Variants in ERGIC1 observed in about 807,000 individuals in gnomAD.
The protein encoded by ERGIC1 is endoplasmic reticulum-golgi intermediate compartment 1, also known as endoplasmic reticulum-Golgi intermediate compartment protein 1.
Under a neutral mutation model 38.3 loss-of-function variants are expected in ERGIC1, and 19 were observed. That is an observed-to-expected ratio of 0.50 (90% CI 0.35 to 0.73). The LOEUF (loss-of-function observed/expected upper bound fraction) is 0.73. Among genes scored for constraint, ERGIC1 ranks in the 30% least tolerant of loss-of-function variants. The pLI is 0.01. For synonymous variants in ERGIC1, 124 were observed against 157.6 expected, an observed-to-expected ratio of 0.79 and a Z score of 1.60; for missense variants, 294 against 389.2, an observed-to-expected ratio of 0.76 and a Z score of 2.06.
intron 1 of ERGIC1, among the ~76,000 whole-genome samples, chr5:172,844,533 G>A (rs114502045): frequency 0.011 from 1,603 of 152,360 alleles, 16 homozygotes; most frequent in African/African-American, 0.036. Flanking sequence ...CAAGCTCGGG[G>A]TGGGCAGGAC....
At chr5:172,929,379 A>G (rs1763727566) in intron 7 of ERGIC1, among the ~76,000 whole-genome samples, 2 of 152,080 alleles carry the variant, frequency 1.3e-5, no homozygotes, top group Admixed American at 1.3e-4. Context: ...TTTTGCGGGT[A>G]GGGGAGGAGG....
At chr5:172,920,710 A>G (rs1293794371) in intron 5 of ERGIC1, 2 of 480,188 alleles carry the variant, frequency 4.2e-6, no homozygotes, top group Admixed American at 6.6e-5. Flanking sequence ...CTGAGGGGAC[A>G]GCCTTCTTGA....
chr5:172,951,627 A>C lies in ERGIC1; in HGVS notation c.*811A>C, dbSNP rs577205775. 1 of 152,238 alleles carries C rather than the reference A, an allele frequency of 6.6e-6. No individual in the cohort carries two copies. Among genetic ancestry groups the C allele is most frequent in the East Asian group, 1.9e-4 (1 of 5,184 alleles). The allele number at this position is 152,238 out of a possible 1,614,324, so 9.4% of individuals were successfully genotyped here. ...GTGTGGCAACAGCATTCTGGTTCCC[A>C]CTGCCAAGATCTCCCACCACTCTGC... is the stretch of plus-strand genomic sequence containing the variant. On this transcript the variant is annotated 3_prime_UTR_variant, in exon 10 of 10. Coordinates refer to ENST00000393784, the MANE Select transcript of ERGIC1 (RefSeq NM_001031711.3).
Position 172,834,569 on chromosome 5 carries a change from AC to A in ERGIC1, c.20+140del. On this transcript the variant is annotated intron_variant, in intron 1 of 9. Coordinates refer to ENST00000393784, the MANE Select transcript of ERGIC1 (RefSeq NM_001031711.3). This position sits in a 1 kb window ranked among gnomAD's most constrained non-coding sequence, Gnocchi z 4.1. ...TGCATGCCTCCGCAGGCCCCTAGGG[AC>A]CCCAGGCGAGCCCCCCCCCTGCCGC... 1.3e-6 allele frequency: 1 copy of A among 778,946 alleles called. No homozygotes were observed. The highest frequency in any genetic ancestry group is 1.6e-6 in the Non-Finnish European group (1 of 616,624). 48.3% of individuals were successfully genotyped at this position (778,946 alleles called of 1,614,324 possible).
chr5:172,875,515 C>A (rs565027573), intron 1 of ERGIC1, among the ~76,000 whole-genome samples: 4 of 152,224 alleles, frequency 2.6e-5, no homozygotes, highest in South Asian at 4.2e-4. Context: ...ATATGGCCAC[C>A]CCATGCCACA....
chr5:172,842,459 T>G (rs1034566833), intron 1 of ERGIC1, among the ~76,000 whole-genome samples: 3 of 152,246 alleles, frequency 2.0e-5, no homozygotes, highest in Non-Finnish European at 4.4e-5. Context: ...TTGGCAGTTA[T>G]GAATAATGCT....
chr5:172,878,770 G>A (rs528619345), intron 1 of ERGIC1, among the ~76,000 whole-genome samples: 17 of 152,238 alleles, frequency 1.1e-4, no homozygotes, highest in African/African-American at 4.1e-4. Context: ...TGGCTCTGGT[G>A]TGTTCATTTG....
At chr5:172,866,902 A>G (rs1160373931) in intron 1 of ERGIC1, 1 of 297,202 alleles carries the variant, frequency 3.4e-6, no homozygotes, top group Non-Finnish European at 6.7e-6. Flanking sequence ...TCCCATTTTT[A>G]TCATTAGCAG....
intron 3 of ERGIC1, chr5:172,898,190 C>T (rs922172704): frequency 4.2e-5 from 12 of 287,432 alleles, no homozygotes; most frequent in African/African-American, 2.6e-4. Context: ...TCCTTTGCCT[C>T]CACTCAGCCA....
rs886975707 is a variant in ERGIC1, at chr5:172,951,679, G to C, written c.*863G>C. Reference sequence around the variant, plus strand: ...GGGATCTGCAGTGGCAGGGAGTGGGGGTTGTGTAAAGGGGAAGTCATCTTT... The same window carrying C: ...GGGATCTGCAGTGGCAGGGAGTGGGCGTTGTGTAAAGGGGAAGTCATCTTT... On this transcript the variant is annotated 3_prime_UTR_variant, in exon 10 of 10. Coordinates refer to ENST00000393784, the MANE Select transcript of ERGIC1 (RefSeq NM_001031711.3). The C allele has an allele frequency of 1.3e-5, 2 of 152,296 alleles. No individual in the cohort carries two copies. Among genetic ancestry groups the C allele is most frequent in the East Asian group, 3.8e-4 (2 of 5,198 alleles). The allele number at this position is 152,296 out of a possible 1,614,324, so 9.4% of individuals were successfully genotyped here.
At chr5:172,893,125 T>C (rs547327) in intron 2 of ERGIC1, among the ~76,000 whole-genome samples, 82,391 of 152,022 alleles carry the variant, frequency 0.54, 22,437 homozygotes, top group East Asian at 0.61. Context: ...AAGTTAGCAC[T>C]GACCTTCATG....
rs370260183 is a variant in ERGIC1 at position 172,935,244 on chromosome 5, C to T, written c.699C>T (p.Tyr233=). ...TCATCCCTGCAATCTGGTTCCGCTACGACCTCAGCCCCATCACGGTCAAGT... is the reference window on the plus strand; with the variant it reads ...TCATCCCTGCAATCTGGTTCCGCTATGACCTCAGCCCCATCACGGTCAAGT... ...GRIIPAIWFR[Y]DLSPITVKYT... Residue 233 remains tyrosine, a synonymous_variant, in exon 9 of 10, where the codon TAC becomes TAT. Transcript: ENST00000393784. 31 of 1,614,090 alleles carry T rather than the reference C, an allele frequency of 1.9e-5. No individual in the cohort carries two copies. The highest frequency in any genetic ancestry group is 4.0e-5 in the African/African-American group (3 of 74,932).
At chr5:172,890,313 C>T (rs908524194) in intron 2 of ERGIC1, among the ~76,000 whole-genome samples, 5 of 152,114 alleles carry the variant, frequency 3.3e-5, no homozygotes, top group African/African-American at 9.7e-5. Flanking sequence ...CACAAAAGAC[C>T]GAGGAACTGT....
At chr5:172,861,173 C>T (rs1761689396) in intron 1 of ERGIC1, among the ~76,000 whole-genome samples, 1 of 152,228 alleles carries the variant, frequency 6.6e-6, no homozygotes, top group South Asian at 2.1e-4. Flanking sequence ...GCTGCTGACA[C>T]AGGCCAGCCA....
intron 5 of ERGIC1, chr5:172,920,581 G>C (rs1763486192): frequency 1.6e-6 from 1 of 627,000 alleles, no homozygotes; most frequent in Admixed American, 2.5e-5. Context: ...AAGCGTTGCT[G>C]TTTCTTTCTT....
chr5:172,910,815 G>A (rs1172787741), intron 4 of ERGIC1, among the ~76,000 whole-genome samples: 1 of 152,076 alleles, frequency 6.6e-6, no homozygotes, highest in Non-Finnish European at 1.5e-5. Context: ...ATGAGCCACC[G>A]TGCCTGGCCC....
At chr5:172,910,517 CTTCTTTTTTTTT>C (rs1561731297) in intron 4 of ERGIC1, among the ~76,000 whole-genome samples, 4 of 76,690 alleles carry the variant, frequency 5.2e-5, no homozygotes, top group African/African-American at 1.9e-4. Flanking sequence ...GAATGAATTA[CTTCTTTTTTTTT>C]TTTTTTTTTT....
chr5:172,910,520 C>CT (rs58360974), intron 4 of ERGIC1, among the ~76,000 whole-genome samples: 10,956 of 137,940 alleles, frequency 0.079, 1,234 homozygotes, highest in African/African-American at 0.25. Context: ...TGAATTACTT[C>CT]TTTTTTTTTT....
intron 3 of ERGIC1, among the ~76,000 whole-genome samples, chr5:172,899,299 T>C (rs976829437): frequency 6.9e-6 from 1 of 145,686 alleles, no homozygotes; most frequent in African/African-American, 2.6e-5. Context: ...CAGGTAGAAT[T>C]GGGAGTTACT....
Sources: allele counts gnomAD v4.1 joint callset (sites outside exome capture counted in the v4.1 genomes callset), GRCh38; gene constraint gnomAD v4.1.1; non-coding constraint Gnocchi (gnomAD v3.1); transcripts MANE v1.5; gene names NCBI Gene and HGNC (gene_info 2026-07-23, HGNC 2026-07-21).